Variants in ZMIZ1 observed in about 807,000 individuals in gnomAD.
ZMIZ1 encodes the protein zinc finger MIZ-type containing 1.
Under a neutral mutation model 113.9 loss-of-function variants are expected in ZMIZ1, and 17 were observed. The ratio of observed to expected loss-of-function variants is 0.15; its 90% CI spans 0.10 to 0.22. The LOEUF is 0.22. ZMIZ1 is among the 10% of genes least tolerant of loss of function. ZMIZ1 has a pLI of 1.00. For missense variants in ZMIZ1, 1,059 were observed against 1,477.8 expected (o/e 0.72, Z 4.65); for synonymous variants, 607 against 603.1 (o/e 1.01, Z -0.09).
intron 21 of ZMIZ1, 28 bp downstream of exon 21, chr10:79,305,629 G>C: frequency 1.8e-5 from 29 of 1,606,648 alleles, no homozygotes; most frequent in Non-Finnish European, 2.5e-5. Flanking sequence ...GAGGGGCAGG[G>C]GGTGGGAGGG....
At chr10:79,128,925 A>T (rs1844632886) in intron 2 of ZMIZ1, among the ~76,000 whole-genome samples, 1 of 152,178 alleles carries the variant, frequency 6.6e-6, no homozygotes, top group South Asian at 2.1e-4. Flanking sequence ...GAAAATGGGG[A>T]TGATAATACT....
chr10:79,099,156 AG>A (rs1564649249), intron 1 of ZMIZ1, among the ~76,000 whole-genome samples: 1 of 152,068 alleles, frequency 6.6e-6, no homozygotes, highest in African/African-American at 2.4e-5. Context: ...ACCAGAGCGG[AG>A]GGTCCCTAGG....
intron 7 of ZMIZ1, among the ~76,000 whole-genome samples, chr10:79,224,847 GCACT>G: frequency 6.6e-6 from 1 of 152,294 alleles, no homozygotes; most frequent in African/African-American, 2.4e-5. Flanking sequence ...ATCCCAGAAA[GCACT>G]GATCGAGAAG....
intron 8 of ZMIZ1, among the ~76,000 whole-genome samples, chr10:79,284,179 T>G (rs1852913865): frequency 1.3e-5 from 2 of 152,208 alleles, no homozygotes; most frequent in Non-Finnish European, 2.9e-5. Context: ...TTTTCTCACA[T>G]TCAGCAAAAC....
intron 3 of ZMIZ1, among the ~76,000 whole-genome samples, chr10:79,146,674 G>C (rs1391834695): frequency 1.3e-5 from 2 of 152,254 alleles, no homozygotes; most frequent in African/African-American, 2.4e-5. Flanking sequence ...CTGCCCTCTG[G>C]GTGGGGAGGG....
chr10:79,173,762 A>G (rs538880659), intron 4 of ZMIZ1, among the ~76,000 whole-genome samples: 1 of 152,312 alleles, frequency 6.6e-6, no homozygotes, highest in East Asian at 1.9e-4. Flanking sequence ...ATCTTCATAG[A>G]AATCTGTTTC....
intron 1 of ZMIZ1, among the ~76,000 whole-genome samples, chr10:79,105,123 T>C (rs1479184293): frequency 1.3e-5 from 2 of 152,224 alleles, no homozygotes; most frequent in Middle Eastern, 3.2e-3. Flanking sequence ...CCGAGCCCAA[T>C]GTGTTAGTTG....
At chr10:79,269,021 C>T (rs1453830178) in intron 7 of ZMIZ1, among the ~76,000 whole-genome samples, 2 of 152,124 alleles carry the variant, frequency 1.3e-5, no homozygotes, top group Non-Finnish European at 2.9e-5. Context: ...CCTGAGGCAG[C>T]TCGAGGTGCT....
intron 1 of ZMIZ1, among the ~76,000 whole-genome samples, chr10:79,096,748 A>G (rs1166266837): frequency 6.6e-6 from 1 of 152,172 alleles, no homozygotes. Context: ...GGAATAGGAC[A>G]ATGGCCAGAA....
At chr10:79,304,230 T>C (rs1564603125) in intron 19 of ZMIZ1, 55 bp downstream of exon 19, 1 of 1,580,590 alleles carries the variant, frequency 6.3e-7, no homozygotes, top group Non-Finnish European at 8.6e-7. Context: ...CTGGCTGGGA[T>C]GGTGAGGGGT....
intron 18 of ZMIZ1, among the ~76,000 whole-genome samples, chr10:79,303,433 C>T (rs1854462944): frequency 1.6e-5 from 2 of 122,322 alleles, no homozygotes; most frequent in African/African-American, 3.3e-5. Flanking sequence ...CCAGCCTGGG[C>T]AACACAGCCA....
intron 15 of ZMIZ1, 90 bp from the exon 16 acceptor site, chr10:79,298,960 T>G (rs886075958): frequency 6.7e-7 from 1 of 1,491,622 alleles, no homozygotes; most frequent in African/African-American, 1.4e-5. Context: ...CCTCTGAGCA[T>G]GCAGCCCAGG....
intron 7 of ZMIZ1, among the ~76,000 whole-genome samples, chr10:79,255,639 GTC>G (rs1223049946): frequency 6.6e-6 from 1 of 151,992 alleles, no homozygotes; most frequent in African/African-American, 2.4e-5. Flanking sequence ...GCCTATCTCT[GTC>G]TCTGCATTCT....
Position 79,299,198 on chromosome 10 carries a change from G to A in ZMIZ1, c.1808+7G>A. The A allele has an allele frequency of 6.2e-7, 1 of 1,600,436 alleles. No homozygotes were observed. Among genetic ancestry groups the A allele is most frequent in the Non-Finnish European group, 8.5e-7 (1 of 1,177,408 alleles). ...ACCAGACGCTGATGTGGAGGTGCGT[G>A]TCAGGGCAGGGGCGCCAGCCCAGGC... On this transcript the variant is annotated splice_region_variant and intron_variant, in intron 16 of 24. Coordinates refer to ENST00000334512, the MANE Select transcript of ZMIZ1 (RefSeq NM_020338.4).
chr10:79,314,022 T>C lies in ZMIZ1; in HGVS notation c.*1273T>C, dbSNP rs1223797895. 8.8e-6 allele frequency: 4 copies of C among 456,362 alleles called. No homozygotes were observed. The highest frequency in any genetic ancestry group is 1.3e-5 in the Non-Finnish European group (3 of 226,918). 28.3% of individuals were successfully genotyped at this position (456,362 alleles called of 1,614,324 possible). ...TGCAGGCATGGGGGGGAGGGGGGCG[T>C]GTTTCTGGGCCTGCCCCAGACACTG... On this transcript the variant is annotated 3_prime_UTR_variant, in exon 25 of 25. Coordinates refer to ENST00000334512, the MANE Select transcript of ZMIZ1 (RefSeq NM_020338.4).
chr10:79,072,766 C>G (rs1369028811), intron 1 of ZMIZ1, among the ~76,000 whole-genome samples: 1 of 152,218 alleles, frequency 6.6e-6, no homozygotes, highest in Non-Finnish European at 1.5e-5. Flanking sequence ...GCTGCCTGGT[C>G]TTTATGAGGC....
intron 1 of ZMIZ1, among the ~76,000 whole-genome samples, chr10:79,103,131 A>T (rs1243717943): frequency 6.6e-6 from 1 of 151,990 alleles, no homozygotes; most frequent in East Asian, 1.9e-4. Flanking sequence ...AGAAACTGTA[A>T]AACAGCCAGC....
chr10:79,280,495 G>A (rs942299823), intron 8 of ZMIZ1, among the ~76,000 whole-genome samples: 2 of 152,012 alleles, frequency 1.3e-5, no homozygotes, highest in East Asian at 1.9e-4. Context: ...GGCTGGTTTC[G>A]AACTCCTGGG....
intron 7 of ZMIZ1, among the ~76,000 whole-genome samples, chr10:79,276,349 C>T (rs76474978): frequency 0.034 from 5,103 of 152,278 alleles, 130 homozygotes; most frequent in Middle Eastern, 0.061. Flanking sequence ...GCCTGGGAGG[C>T]GCTTTTGGCT....
Sources: allele counts gnomAD v4.1 joint callset (sites outside exome capture counted in the v4.1 genomes callset), GRCh38; gene constraint gnomAD v4.1.1; transcripts MANE v1.5; gene names NCBI Gene and HGNC (gene_info 2026-07-23, HGNC 2026-07-21).